PCDH15: variants seen among roughly 807,000 people sequenced by gnomAD.
PCDH15 encodes the protein protocadherin related 15, also known as protocadherin-15.
In PCDH15, 129 loss-of-function variants were observed where a neutral mutation model predicts 178.5. That is an observed-to-expected ratio of 0.72 (90% CI 0.63 to 0.84). PCDH15 has a LOEUF of 0.84. PCDH15 is among the 40% of genes least tolerant of loss of function. PCDH15 has a pLI of 0.00. For missense variants in PCDH15, 2,230 were observed against 2,099.9 expected, an observed-to-expected ratio of 1.06 and a Z score of -1.21; for synonymous variants, 800 against 732.0, an observed-to-expected ratio of 1.09 and a Z score of -1.50.
chr10:53,861,494 T>C (rs756032157), intron 27 of PCDH15, among the ~76,000 whole-genome samples: 1 of 152,150 alleles, frequency 6.6e-6, no homozygotes, highest in Non-Finnish European at 1.5e-5. Flanking sequence ...TTCTTTTCTT[T>C]CTTCCTCTAT....
chr10:54,546,835 G>A (rs1032698930), intron 2 of PCDH15, among the ~76,000 whole-genome samples: 15 of 152,068 alleles, frequency 9.9e-5, no homozygotes, highest in Non-Finnish European at 2.1e-4. Context: ...CTTCAACACC[G>A]CATGATTCTC....
intron 3 of PCDH15, among the ~76,000 whole-genome samples, chr10:54,451,709 A>T (rs1182727483): frequency 6.6e-6 from 1 of 151,932 alleles, no homozygotes; most frequent in Non-Finnish European, 1.5e-5. Flanking sequence ...AAGTTTTATG[A>T]CACAAATATA....
intron 1 of PCDH15, among the ~76,000 whole-genome samples, chr10:54,716,592 AT>A (rs1170969343): frequency 6.6e-6 from 1 of 151,922 alleles, no homozygotes; most frequent in African/African-American, 2.4e-5. Context: ...AATGCTTGTG[AT>A]TTTTGTACAT....
intron 14 of PCDH15, among the ~76,000 whole-genome samples, chr10:54,142,258 T>G (rs1191237874): frequency 6.6e-6 from 1 of 152,178 alleles, no homozygotes; most frequent in Non-Finnish European, 1.5e-5. Context: ...AGTATAAATA[T>G]CCTATTAACT....
At chr10:53,957,680 A>AT (rs933115919) in intron 23 of PCDH15, among the ~76,000 whole-genome samples, 9 of 152,038 alleles carry the variant, frequency 5.9e-5, no homozygotes, top group Non-Finnish European at 2.9e-5. Context: ...TATTTCTGGA[A>AT]TTTTCCACTT....
intron 1 of PCDH15, among the ~76,000 whole-genome samples, chr10:54,785,403 A>C (rs185876035): frequency 6.6e-6 from 1 of 152,044 alleles, no homozygotes; most frequent in African/African-American, 2.4e-5. Flanking sequence ...CTCTCTAATT[A>C]ACTCCCAAGT....
At chr10:54,283,595 ATT>A (rs2132780040) in intron 8 of PCDH15, among the ~76,000 whole-genome samples, 1 of 152,260 alleles carries the variant, frequency 6.6e-6, no homozygotes, top group South Asian at 2.1e-4. Context: ...TTCTTCATGT[ATT>A]TATTACAATA....
intron 2 of PCDH15, among the ~76,000 whole-genome samples, chr10:55,414,484 A>C (rs1453917192): frequency 6.6e-6 from 1 of 151,630 alleles, no homozygotes; most frequent in Non-Finnish European, 1.5e-5. Context: ...GTAAGCATAG[A>C]CATTATAGTA....
intron 2 of PCDH15, among the ~76,000 whole-genome samples, chr10:55,501,108 A>G (rs1840646983): frequency 6.6e-6 from 1 of 151,694 alleles, no homozygotes; most frequent in African/African-American, 2.4e-5. Context: ...CTGTCCTTTT[A>G]AGAAGAGAAG....
chr10:55,096,812 T>G (rs1292103692), intron 2 of PCDH15, among the ~76,000 whole-genome samples: 2 of 152,146 alleles, frequency 1.3e-5, no homozygotes, highest in African/African-American at 4.8e-5. Flanking sequence ...AAGTAAAAAT[T>G]TATTCATTTG....
intron 2 of PCDH15, among the ~76,000 whole-genome samples, chr10:54,989,960 T>C (rs1662930723): frequency 6.6e-6 from 1 of 152,106 alleles, no homozygotes; most frequent in African/African-American, 2.4e-5. Flanking sequence ...GATCTGATGG[T>C]TTTAAAAAGG....
chr10:54,267,103 G>T (rs1237488497), intron 8 of PCDH15, among the ~76,000 whole-genome samples: 1 of 151,814 alleles, frequency 6.6e-6, no homozygotes, highest in Non-Finnish European at 1.5e-5. Flanking sequence ...CTTTATTCCT[G>T]GGATGCAAGG....
intron 3 of PCDH15, among the ~76,000 whole-genome samples, chr10:54,515,149 C>A (rs751320733): frequency 1.7e-4 from 26 of 152,182 alleles, no homozygotes; most frequent in Non-Finnish European, 3.1e-4. Flanking sequence ...GTGCAGCGCA[C>A]CGTGCACCAG....
chr10:55,085,850 A>C (rs1842155750), intron 2 of PCDH15, among the ~76,000 whole-genome samples: 1 of 151,796 alleles, frequency 6.6e-6, no homozygotes, highest in Admixed American at 6.6e-5. Flanking sequence ...TATTAATTAA[A>C]ATTAGGTAAT....
chr10:55,622,989 C>T lies in PCDH15; in HGVS notation c.-156+4636G>A, dbSNP rs79223477. Reference sequence around the variant, plus strand: ...GACAGAGCATCTAACATGTGTTTGACATTTCTGAAGCATCTCAAGTCCCTG... The same window carrying T: ...GACAGAGCATCTAACATGTGTTTGATATTTCTGAAGCATCTCAAGTCCCTG... On this transcript the variant is annotated intron_variant, in intron 2 of 5. Coordinates refer to the PCDH15 transcript ENST00000613346. Among the ~76,000 whole-genome samples the T allele has an allele frequency of 2.6e-5, 4 of 152,168 alleles. No homozygotes were observed. In the East Asian group the frequency reaches 5.8e-4, roughly 22 times the overall value.
At chr10:54,294,558 C>G (rs924681434) in intron 8 of PCDH15, among the ~76,000 whole-genome samples, 97 of 152,238 alleles carry the variant, frequency 6.4e-4, no homozygotes, top group Non-Finnish European at 2.1e-4. Context: ...AGATAAAAAT[C>G]TACTAAATCA....
intron 8 of PCDH15, among the ~76,000 whole-genome samples, chr10:54,293,870 G>A (rs1036020839): frequency 1.3e-5 from 2 of 152,134 alleles, no homozygotes; most frequent in African/African-American, 4.8e-5. Flanking sequence ...ACTGTTGGTG[G>A]GAGTTTAAAT....
intron 26 of PCDH15, among the ~76,000 whole-genome samples, chr10:53,878,522 GTA>G (rs762934968): frequency 2.9e-5 from 4 of 140,304 alleles, no homozygotes; most frequent in South Asian, 2.1e-4. Flanking sequence ...GTGTGTGTGT[GTA>G]TATATATATA....
intron 2 of PCDH15, among the ~76,000 whole-genome samples, chr10:55,136,347 T>C (rs976422647): frequency 6.6e-6 from 1 of 152,096 alleles, no homozygotes; most frequent in Non-Finnish European, 1.5e-5. Context: ...AGTAAATATA[T>C]ATTTTTTTAT....
Sources: gnomAD v4.1 joint callset for allele counts (sites outside exome capture counted in the v4.1 genomes callset) on GRCh38, gnomAD v4.1.1 for gene constraint, MANE v1.5 for transcripts, NCBI Gene and HGNC (gene_info 2026-07-23, HGNC 2026-07-21) for gene names.